The following SPHKAP variants were observed in gnomAD, a reference collection of about 807,000 sequenced individuals.
SPHKAP encodes SPHK1 interactor, AKAP domain containing.
Under a neutral mutation model 137.5 loss-of-function variants are expected in SPHKAP, and 67 were observed. The observed-to-expected ratio is 0.49, with a 90% CI of 0.40 to 0.60. The LOEUF is 0.60. SPHKAP is among the 20% of genes least tolerant of loss of function. The pLI is 0.00. For missense variants in SPHKAP, 2,097 were observed against 2,069.3 expected, an observed-to-expected ratio of 1.01 and a Z score of -0.26; for synonymous variants, 813 against 785.3, an observed-to-expected ratio of 1.04 and a Z score of -0.59.
At chr2:228,179,299 C>T (rs1298623983) in intron 1 of SPHKAP, among the ~76,000 whole-genome samples, 3 of 152,070 alleles carry the variant, frequency 2.0e-5, no homozygotes, top group African/African-American at 7.2e-5. Context: ...TTGGTTTCTT[C>T]GAAAAGCTTA....
chr2:228,166,700 T>G (rs546447534), intron 1 of SPHKAP, among the ~76,000 whole-genome samples: 1 of 152,352 alleles, frequency 6.6e-6, no homozygotes, highest in African/African-American at 2.4e-5. Flanking sequence ...CACACATTTC[T>G]TCTGCATGAT....
intron 3 of SPHKAP, among the ~76,000 whole-genome samples, chr2:228,085,123 A>G (rs1364721615): frequency 1.3e-5 from 2 of 152,242 alleles, no homozygotes; most frequent in Non-Finnish European, 2.9e-5. Flanking sequence ...TAAGCAAAAT[A>G]TCACTTTCTT....
intron 1 of SPHKAP, among the ~76,000 whole-genome samples, chr2:228,153,047 C>G (rs747970991): frequency 6.6e-6 from 1 of 152,122 alleles, no homozygotes; most frequent in Non-Finnish European, 1.5e-5. Flanking sequence ...CTCTCATTCT[C>G]TCTTGTCTGC....
intron 3 of SPHKAP, among the ~76,000 whole-genome samples, chr2:228,068,423 A>G (rs1473990113): frequency 6.6e-6 from 1 of 152,156 alleles, no homozygotes; most frequent in Non-Finnish European, 1.5e-5. Flanking sequence ...GAAGAACAAA[A>G]GCCATCCTGA....
intron 3 of SPHKAP, among the ~76,000 whole-genome samples, chr2:228,093,636 G>A (rs956366144): frequency 6.6e-6 from 1 of 151,920 alleles, no homozygotes; most frequent in East Asian, 1.9e-4. Context: ...GAGGTGGGGG[G>A]ACCACTAGGT....
At chr2:228,030,513 C>CAAAAAAAAAAAAAAAAAAA (rs11287311) in intron 3 of SPHKAP, among the ~76,000 whole-genome samples, 1 of 48,776 alleles carries the variant, frequency 2.1e-5, no homozygotes, top group African/African-American at 7.4e-5. Flanking sequence ...GATACCATCT[C>CAAAAAAAAAAAAAAAAAAA]AAAAAAAAAA....
chr2:228,082,693 C>T (rs1005479500), intron 3 of SPHKAP, among the ~76,000 whole-genome samples: 3 of 152,024 alleles, frequency 2.0e-5, no homozygotes, highest in Non-Finnish European at 2.9e-5. Context: ...ACACTGGACC[C>T]CTGGGTGGAT....
intron 1 of SPHKAP, among the ~76,000 whole-genome samples, chr2:228,177,909 A>C (rs1160401737): frequency 1.3e-5 from 2 of 152,210 alleles, no homozygotes; most frequent in African/African-American, 4.8e-5. Context: ...ATTAAAATAG[A>C]ATCCAGTAAA....
chr2:228,180,004 T>C (rs777052994), intron 1 of SPHKAP, among the ~76,000 whole-genome samples: 2 of 152,140 alleles, frequency 1.3e-5, no homozygotes, highest in African/African-American at 2.4e-5. Flanking sequence ...AATAGATAGG[T>C]GGAGAAAGTG....
intron 2 of SPHKAP, among the ~76,000 whole-genome samples, chr2:228,126,582 C>T (rs1699082178): frequency 6.6e-6 from 1 of 152,082 alleles, no homozygotes; most frequent in South Asian, 2.1e-4. Flanking sequence ...ATGGGATGAC[C>T]ATATAAGTTA....
intron 1 of SPHKAP, among the ~76,000 whole-genome samples, chr2:228,180,719 G>A (rs538084134): frequency 6.6e-6 from 1 of 152,342 alleles, no homozygotes; most frequent in South Asian, 2.1e-4. Context: ...CCACCTGCCC[G>A]GCTGGGGGAG....
chr2:228,128,054 G>A (rs1345675893), intron 2 of SPHKAP, among the ~76,000 whole-genome samples: 2 of 152,142 alleles, frequency 1.3e-5, no homozygotes, highest in Non-Finnish European at 2.9e-5. Context: ...GGTGGTGGAC[G>A]CTGAAGGTTA....
intron 2 of SPHKAP, among the ~76,000 whole-genome samples, chr2:228,122,271 T>C (rs1698932309): frequency 6.6e-6 from 1 of 152,100 alleles, no homozygotes; most frequent in Non-Finnish European, 1.5e-5. Context: ...TTTGAAGTTT[T>C]CAGAGTCCCC....
rs368612893 is a variant in SPHKAP, at chr2:228,016,475, G to A, written c.4379C>T (p.Ser1460Leu). 5 of 1,612,766 alleles carry A rather than the reference G, an allele frequency of 3.1e-6. No individual in the cohort carries two copies. The South Asian group carries it at 3.3e-5, about 11-fold the overall frequency. ...CACATCTGGGATGTTTTTGTCATTCGAATGCCCTTCTGCTTCCTCTAGGAG... is the reference window on the plus strand; with the variant it reads ...CACATCTGGGATGTTTTTGTCATTCAAATGCCCTTCTGCTTCCTCTAGGAG... ...SSLLEEAEGHSNDKNIPDVVR... is the reference protein window; with the variant it reads ...SSLLEEAEGHLNDKNIPDVVR... The change falls in exon 7 of 12, where the codon TCG becomes TTG. Residue 1460 changes from serine (S) to leucine (L), a missense_variant. Coordinates refer to ENST00000392056, the MANE Select transcript of SPHKAP (RefSeq NM_001142644.2).
chr2:228,080,762 T>G (rs1287276397), intron 3 of SPHKAP, among the ~76,000 whole-genome samples: 474 of 42,684 alleles, frequency 0.011, 9 homozygotes, highest in African/African-American at 0.039. Context: ...TAAAATAAAA[T>G]AAAATAAAAT....
chr2:228,113,777 A>G (rs551234376), intron 2 of SPHKAP, among the ~76,000 whole-genome samples: 4 of 152,122 alleles, frequency 2.6e-5, no homozygotes, highest in African/African-American at 9.6e-5. Context: ...TCTGAAGGCC[A>G]CTTCTATACC....
intron 1 of SPHKAP, among the ~76,000 whole-genome samples, chr2:228,179,835 T>C (rs1047021973): frequency 6.6e-6 from 1 of 152,206 alleles, no homozygotes; most frequent in African/African-American, 2.4e-5. Flanking sequence ...AATGTTCCGG[T>C]ATTTGAATAG....
intron 1 of SPHKAP, chr2:228,173,147 C>G: frequency 1.4e-6 from 1 of 737,176 alleles, no homozygotes; most frequent in Non-Finnish European, 1.7e-6. Flanking sequence ...AGAGGAGGAA[C>G]AAATAGCCTT....
chr2:228,044,906 TAACA>T (rs908096888), intron 3 of SPHKAP, among the ~76,000 whole-genome samples: 72 of 151,632 alleles, frequency 4.7e-4, no homozygotes, highest in African/African-American at 1.4e-3. Context: ...TACAAGAAAA[TAACA>T]AACAACCCCA....
Sources: allele counts gnomAD v4.1 joint callset (sites outside exome capture counted in the v4.1 genomes callset), GRCh38; gene constraint gnomAD v4.1.1; transcripts MANE v1.5; gene names NCBI Gene and HGNC (gene_info 2026-07-23, HGNC 2026-07-21).